ATP13A3: variants seen among roughly 807,000 people sequenced by gnomAD.
ATP13A3 encodes the protein ATPase 13A3, also known as polyamine-transporting ATPase 13A3.
In ATP13A3, 59 loss-of-function variants were observed where a neutral mutation model predicts 158.1. The observed-to-expected ratio is 0.37, with a 90% CI of 0.30 to 0.46. The LOEUF (loss-of-function observed/expected upper bound fraction) is 0.46. Among genes scored for constraint, ATP13A3 ranks in the 20% least tolerant of loss-of-function variants. ATP13A3 has a pLI of 1.00. For missense variants in ATP13A3, 1,166 were observed against 1,525.2 expected (o/e 0.76, Z 3.92); for synonymous variants, 491 against 504.3 (o/e 0.97, Z 0.35).
rs1390311921 is a variant in ATP13A3 at position 194,486,760 on chromosome 3, G to C, written c.-283C>G. Reference sequence around the variant, plus strand: ...GGAAGGAGGCGCCGCGGCGGGGCCGGGCCGGCCCTGGGACGTCCGCGCTCT... The same window carrying C: ...GGAAGGAGGCGCCGCGGCGGGGCCGCGCCGGCCCTGGGACGTCCGCGCTCT... On this transcript the variant is annotated 5_prime_UTR_variant, in exon 1 of 34. Transcript: ENST00000645319. The C allele has an allele frequency of 6.0e-5, 9 of 150,922 alleles. No individual in the cohort carries two copies. Among genetic ancestry groups the C allele is most frequent in the Admixed American group, 4.6e-4 (7 of 15,124 alleles). 9.3% of individuals were successfully genotyped at this position (150,922 alleles called of 1,614,324 possible). A position where few individuals can be genotyped will look rare whatever the true frequency, so the allele number is the denominator to read the frequency against.
At chr3:194,442,469 G>A (rs555077302) in intron 15 of ATP13A3, among the ~76,000 whole-genome samples, 4 of 152,010 alleles carry the variant, frequency 2.6e-5, no homozygotes, top group South Asian at 2.1e-4. Flanking sequence ...AAAGAATCCC[G>A]TAAATTTAAG....
intron 17 of ATP13A3, among the ~76,000 whole-genome samples, 168 bp from the exon 18 acceptor site, chr3:194,437,741 A>T (rs1330990197): frequency 6.6e-6 from 1 of 152,246 alleles, no homozygotes; most frequent in Non-Finnish European, 1.5e-5. Context: ...CCCATTTTTA[A>T]AAAGTATGTT....
Position 194,448,082 on chromosome 3 carries a change from C to CTT in ATP13A3, c.1151-75_1151-74dup, listed in dbSNP as rs372075979. The CTT allele has an allele frequency of 1.1e-3, 1,180 of 1,113,974 alleles. No homozygotes were observed. Among genetic ancestry groups the CTT allele is most frequent in the Non-Finnish European group, 1.2e-3 (954 of 786,932 alleles). The allele number at this position is 1,113,974 out of a possible 1,614,324, so 69.0% of individuals were successfully genotyped here. A position where few individuals can be genotyped will look rare whatever the true frequency, so the allele number is the denominator to read the frequency against. On this transcript the variant is annotated intron_variant, in intron 12 of 33. Transcript: ENST00000645319. This position sits in a 1 kb window ranked among gnomAD's most constrained non-coding sequence, Gnocchi z 4.0. The stretch of plus-strand genomic sequence containing the variant: ...AATTATCTCCCAAAACAGAATCTCT[C>CTT]TTTTTTTTTTTTTGAGACAGAGTCT...
At chr3:194,465,968 T>C (rs1212875246) in intron 2 of ATP13A3, among the ~76,000 whole-genome samples, 16 of 150,460 alleles carry the variant, frequency 1.1e-4, no homozygotes, top group Non-Finnish European at 1.5e-5. Flanking sequence ...GGCAACACAG[T>C]GAGGCTCCAC....
At chr3:194,444,701 C>A in intron 15 of ATP13A3, 24 bp downstream of exon 15, 1 of 1,547,640 alleles carries the variant, frequency 6.5e-7, no homozygotes, top group South Asian at 1.2e-5. Context: ...AACTAATAAA[C>A]TATCAAGTCT....
At chr3:194,469,041 G>A (rs1242749543) in intron 2 of ATP13A3, among the ~76,000 whole-genome samples, 1 of 151,902 alleles carries the variant, frequency 6.6e-6, no homozygotes, top group Non-Finnish European at 1.5e-5. Context: ...GGCTGAGGCA[G>A]GAGAATCGTT....
At chr3:194,420,201 C>A in intron 30 of ATP13A3, 1 of 234,600 alleles carries the variant, frequency 4.3e-6, no homozygotes, top group Non-Finnish European at 7.9e-6. Flanking sequence ...TTAACTTTAA[C>A]CGTGAAAGTC....
chr3:194,492,221 G>A (rs961099063), intron 2 of ATP13A3, among the ~76,000 whole-genome samples: 17 of 151,814 alleles, frequency 1.1e-4, no homozygotes, highest in Admixed American at 3.9e-4. Flanking sequence ...TTCCTCAAAC[G>A]CACCAACCTC....
Position 194,419,873 on chromosome 3 carries a change from T to C in ATP13A3, c.3402+6A>G. ...TCCCCAAACAAATGATGTGCTTAAG[T>C]CTTACCTGAAGAACCTGGTCAACAG... On this transcript the variant is annotated splice_donor_region_variant and intron_variant, in intron 31 of 33. Coordinates refer to ENST00000645319, the MANE Select transcript of ATP13A3 (RefSeq NM_001367549.1). 6.4e-7 allele frequency: 1 copy of C among 1,562,512 alleles called. No homozygotes were observed. Among genetic ancestry groups the C allele is most frequent in the Admixed American group, 2.3e-5 (1 of 43,544 alleles).
intron 2 of ATP13A3, among the ~76,000 whole-genome samples, chr3:194,484,666 T>C (rs1422332294): frequency 6.6e-6 from 1 of 152,230 alleles, no homozygotes. Flanking sequence ...CTCGAAAATC[T>C]TGAAGACAGA....
In ATP13A3 at chr3:194,486,557, C is replaced by A. The variant is rs1353402127; in HGVS notation, c.-89+9G>T. On this transcript the variant is annotated intron_variant, in intron 1 of 33. Coordinates refer to ENST00000645319, the MANE Select transcript of ATP13A3 (RefSeq NM_001367549.1). Reference sequence around the variant, plus strand: ...GCGCCGCTGCCCACCCGCCCCTCGCCCCGCTCACCGGGGCCGCTCACTGGC... The same window carrying A: ...GCGCCGCTGCCCACCCGCCCCTCGCACCGCTCACCGGGGCCGCTCACTGGC... 1 of 151,890 alleles carries A rather than the reference C, an allele frequency of 6.6e-6. No homozygotes were observed. Among genetic ancestry groups the A allele is most frequent in the Non-Finnish European group, 1.5e-5 (1 of 67,764 alleles). The allele number at this position is 151,890 out of a possible 1,614,324, so 9.4% of individuals were successfully genotyped here.
chr3:194,410,197 C>G (rs528115349), intron 33 of ATP13A3, among the ~76,000 whole-genome samples: 1 of 146,892 alleles, frequency 6.8e-6, no homozygotes, highest in African/African-American at 2.5e-5. Context: ...TGGTGGCTCA[C>G]GCCTGTAATC....
At chr3:194,442,374 G>A in intron 15 of ATP13A3, among the ~76,000 whole-genome samples, 1 of 152,130 alleles carries the variant, frequency 6.6e-6, no homozygotes, top group Non-Finnish European at 1.5e-5. Flanking sequence ...GAGGCAGGAG[G>A]ATCATTTGAG....
chr3:194,447,825 A>G (rs759717158), intron 13 of ATP13A3, 27 bp downstream of exon 13: 1 of 1,568,234 alleles, frequency 6.4e-7, no homozygotes, highest in Non-Finnish European at 8.7e-7. Flanking sequence ...TGAGGTTCAA[A>G]CCCTATTAAG....
At position 194,448,632 on chromosome 3, in the gene ATP13A3, T is replaced by G; in HGVS notation, c.975A>C (p.Glu325Asp). 1 of 1,606,134 alleles carries G rather than the reference T, an allele frequency of 6.2e-7. No individual in the cohort carries two copies. The highest frequency in any genetic ancestry group is 8.5e-7 in the Non-Finnish European group (1 of 1,176,940). Reference sequence around the variant, plus strand: ...AATTAGTCTTTGTCACTGGAACACTTTCTCCTTTAAAAAACAACAACAACA... The same window carrying G: ...AATTAGTCTTTGTCACTGGAACACTGTCTCCTTTAAAAAACAACAACAACA... Reference protein sequence around the residue: ...CIVNESMLTGESVPVTKTNLP... With the variant: ...CIVNESMLTGDSVPVTKTNLP... The change falls in exon 12 of 34, where the codon GAA (glutamate) becomes GAC (aspartate). Residue 325 changes from glutamate (E) to aspartate (D), a missense_variant. By Grantham distance (45) the Glu-to-Asp change is conservative. Transcript: ENST00000645319. The surrounding 1 kb of genome is among the most constrained non-coding windows in gnomAD (Gnocchi z 4.0).
intron 33 of ATP13A3, among the ~76,000 whole-genome samples, chr3:194,410,492 T>C (rs1283434735): frequency 1.3e-5 from 2 of 151,586 alleles, no homozygotes; most frequent in Non-Finnish European, 2.9e-5. Flanking sequence ...CATCTGAGCC[T>C]GAGGAGCTCG....
chr3:194,414,176 G>A (rs952730723), intron 31 of ATP13A3, among the ~76,000 whole-genome samples: 3 of 152,038 alleles, frequency 2.0e-5, no homozygotes, highest in Admixed American at 6.6e-5. Context: ...AAAGAATGAG[G>A]TACCAGCCAG....
chr3:194,427,168 A>T lies in ATP13A3; in HGVS notation c.3032T>A (p.Leu1011Ter). Residue 1011 changes from leucine (L) to a stop codon, truncating the protein, a stop_gained, in exon 29 of 34, where the codon TTG (leucine) becomes TAG (stop). Coordinates refer to ENST00000645319, the MANE Select transcript of ATP13A3 (RefSeq NM_001367549.1). LOFTEE classifies it high-confidence loss of function. ...LISGALLFSV[L>*]SQIIICIGFQ... ...TCCAATGCAGATGATAATCTGAGAC[A>T]AAACGGAGAAGAGAAGGGCCCCAGA... 6.2e-7 allele frequency: 1 copy of T among 1,613,856 alleles called. No homozygotes were observed. Among genetic ancestry groups the T allele is most frequent in the Non-Finnish European group, 8.5e-7 (1 of 1,179,956 alleles).
At chr3:194,455,076 T>C (rs923250654) in intron 8 of ATP13A3, among the ~76,000 whole-genome samples, 2 of 152,192 alleles carry the variant, frequency 1.3e-5, no homozygotes, top group Non-Finnish European at 2.9e-5. Context: ...TTTAACGAAA[T>C]TGAAAAATGT....
Sources: allele counts gnomAD v4.1 joint callset (sites outside exome capture counted in the v4.1 genomes callset), GRCh38; gene constraint gnomAD v4.1.1; non-coding constraint Gnocchi (gnomAD v3.1); transcripts MANE v1.5; gene names NCBI Gene and HGNC (gene_info 2026-07-23, HGNC 2026-07-21).